LRRC4C: variants seen among roughly 807,000 people sequenced by gnomAD.
LRRC4C encodes the protein leucine-rich repeat-containing protein 4C.
LRRC4C carries 5 observed loss-of-function variants against 33.6 expected under a neutral mutation model. That is an observed-to-expected ratio of 0.15 (90% CI 0.08 to 0.31). LRRC4C has a LOEUF of 0.31. Ranked by LOEUF, LRRC4C falls within the 10% of genes least tolerant of loss-of-function variation. The pLI is 1.00. For synonymous variants in LRRC4C, 329 were observed against 302.0 expected, an observed-to-expected ratio of 1.09 and a Z score of -0.93; for missense variants, 560 against 796.7, an observed-to-expected ratio of 0.70 and a Z score of 3.58.
At chr11:41,178,397 C>A (rs1945297088) in intron 1 of LRRC4C, among the ~76,000 whole-genome samples, 1 of 151,996 alleles carries the variant, frequency 6.6e-6, no homozygotes, top group Admixed American at 6.6e-5. Context: ...TCTTTGACAC[C>A]CAGGATGGCG....
At chr11:40,169,705 C>T (rs1487704467) in intron 5 of LRRC4C, among the ~76,000 whole-genome samples, 1 of 152,104 alleles carries the variant, frequency 6.6e-6, no homozygotes, top group Admixed American at 6.6e-5. Flanking sequence ...AAGCTATGAT[C>T]TATTCTAGAT....
intron 3 of LRRC4C, among the ~76,000 whole-genome samples, chr11:40,556,885 G>C (rs1046093418): frequency 6.6e-6 from 1 of 152,124 alleles, no homozygotes; most frequent in African/African-American, 2.4e-5. Context: ...AAAAGTTGGA[G>C]CTTCAGAGTC....
At chr11:40,577,738 C>G (rs1014778025) in intron 3 of LRRC4C, among the ~76,000 whole-genome samples, 1 of 151,694 alleles carries the variant, frequency 6.6e-6, no homozygotes, top group African/African-American at 2.4e-5. Flanking sequence ...TGACCTGGCT[C>G]AAAATGCCCG....
chr11:40,264,589 T>A (rs1942109284), intron 4 of LRRC4C, among the ~76,000 whole-genome samples: 1 of 152,222 alleles, frequency 6.6e-6, no homozygotes, highest in Admixed American at 6.5e-5. Flanking sequence ...TCTGTGCCGA[T>A]GAATATAACT....
intron 1 of LRRC4C, among the ~76,000 whole-genome samples, chr11:41,139,140 T>G (rs2135894632): frequency 6.6e-6 from 1 of 152,304 alleles, no homozygotes; most frequent in Non-Finnish European, 1.5e-5. Flanking sequence ...GTTGAATACT[T>G]AATATAGTAT....
At chr11:40,589,546 T>C (rs544346158) in intron 3 of LRRC4C, among the ~76,000 whole-genome samples, 19,574 of 150,294 alleles carry the variant, frequency 0.13, 1,314 homozygotes, top group Middle Eastern at 0.2. Context: ...ATTTTGCTCG[T>C]TAGTTGATGC....
intron 2 of LRRC4C, among the ~76,000 whole-genome samples, chr11:40,827,497 C>A (rs756215246): frequency 6.6e-6 from 1 of 151,898 alleles, no homozygotes; most frequent in Non-Finnish European, 1.5e-5. Context: ...TTGCTATCTT[C>A]TTTCTAGATA....
intron 3 of LRRC4C, among the ~76,000 whole-genome samples, chr11:40,419,139 AAAAG>A (rs535929688): frequency 6.6e-6 from 1 of 152,148 alleles, no homozygotes; most frequent in Non-Finnish European, 1.5e-5. Context: ...AAATAAAAAG[AAAAG>A]AAAGAAAGAA....
chr11:40,809,971 ACT>A (rs1407206088), intron 2 of LRRC4C, among the ~76,000 whole-genome samples: 1 of 152,040 alleles, frequency 6.6e-6, no homozygotes, highest in Non-Finnish European at 1.5e-5. Flanking sequence ...GGCATAAATT[ACT>A]CTTTCTTTAC....
chr11:41,119,137 C>T (rs1392562048), intron 1 of LRRC4C, among the ~76,000 whole-genome samples: 2 of 152,050 alleles, frequency 1.3e-5, no homozygotes, highest in Non-Finnish European at 2.9e-5. Context: ...TTTTCATTGC[C>T]GTTTGCTGAC....
chr11:40,382,489 T>A (rs1948921459), intron 3 of LRRC4C, among the ~76,000 whole-genome samples: 1 of 151,776 alleles, frequency 6.6e-6, no homozygotes, highest in South Asian at 2.1e-4. Context: ...ATAAACTTAT[T>A]CATCATCACC....
intron 2 of LRRC4C, among the ~76,000 whole-genome samples, chr11:40,735,973 G>A (rs923275699): frequency 1.1e-4 from 17 of 151,364 alleles, no homozygotes; most frequent in South Asian, 2.1e-4. Flanking sequence ...AGAAGTGTCC[G>A]TTCATGTCCT....
rs547167050 is a variant in LRRC4C at position 41,214,575 on chromosome 11, C to CAAAAAAAAAAA, written c.-496+244845_-496+244855dup. ...TGAAACCCCGTCTCTACTAAAAATACAAAAAAAAAAAAAAAAAAAAAAAAA... is the reference window on the plus strand; with the variant it reads ...TGAAACCCCGTCTCTACTAAAAATACAAAAAAAAAAAAAAAAAAAAAAAAAAAAAAAAAAAA... On this transcript the variant is annotated intron_variant, in intron 1 of 6. Transcript: ENST00000528697. Among the ~76,000 whole-genome samples, 122 of 34,726 alleles carry CAAAAAAAAAAA rather than the reference C, an allele frequency of 3.5e-3. 8 individuals carry two copies. The highest frequency in any genetic ancestry group is 0.011 in the African/African-American group (91 of 8,406). 22.8% of individuals were successfully genotyped at this position (34,726 alleles called of 152,430 possible). A position where few individuals can be genotyped will look rare whatever the true frequency, so the allele number is the denominator to read the frequency against.
At position 41,304,206 on chromosome 11, in the gene LRRC4C, G is replaced by A. The variant is rs376811841; in HGVS notation, c.-496+155225C>T. 8.7e-4 allele frequency among the ~76,000 whole-genome samples: 96 copies of A among 110,974 alleles called. No homozygotes were observed. The East Asian group carries it at 0.018, about 21-fold the overall frequency. 72.8% of individuals were successfully genotyped at this position (110,974 alleles called of 152,430 possible). On this transcript the variant is annotated intron_variant, in intron 1 of 6. Coordinates refer to ENST00000528697, the MANE Select transcript of LRRC4C (RefSeq NM_001258419.2). ...AGCCCCCCGCCTGGCCAGCCGCCCCGTCCGGGAGGGAGGTGGGGGGGTCAG... is the reference window on the plus strand; with the variant it reads ...AGCCCCCCGCCTGGCCAGCCGCCCCATCCGGGAGGGAGGTGGGGGGGTCAG...
chr11:40,760,412 C>CA (rs35336371), intron 2 of LRRC4C, among the ~76,000 whole-genome samples: 76,445 of 136,048 alleles, frequency 0.56, 20,805 homozygotes, highest in Non-Finnish European at 0.63. Context: ...GGTCCTTTAC[C>CA]AAAAAAAAAA....
chr11:41,254,436 G>T (rs1441992657), intron 1 of LRRC4C, among the ~76,000 whole-genome samples: 1 of 151,974 alleles, frequency 6.6e-6, no homozygotes, highest in African/African-American at 2.4e-5. Flanking sequence ...TAAAGTCTGA[G>T]TAATCATAAA....
intron 2 of LRRC4C, among the ~76,000 whole-genome samples, chr11:40,754,556 C>T (rs1168046867): frequency 6.6e-6 from 1 of 152,010 alleles, no homozygotes; most frequent in African/African-American, 2.4e-5. Flanking sequence ...CAGGTAGCTT[C>T]CATAAAGCCT....
intron 1 of LRRC4C, among the ~76,000 whole-genome samples, chr11:41,436,136 G>A (rs980546214): frequency 1.3e-5 from 2 of 152,220 alleles, no homozygotes; most frequent in African/African-American, 4.8e-5. Flanking sequence ...CCCAGGAGGT[G>A]GAGGTTGCAG....
At chr11:41,389,105 T>A (rs529927643) in intron 1 of LRRC4C, among the ~76,000 whole-genome samples, 3 of 151,950 alleles carry the variant, frequency 2.0e-5, no homozygotes, top group African/African-American at 4.8e-5. Context: ...TGAGATGAGA[T>A]AATTGAATTC....
Sources: gnomAD v4.1 joint callset for allele counts (sites outside exome capture counted in the v4.1 genomes callset) on GRCh38, gnomAD v4.1.1 for gene constraint, MANE v1.5 for transcripts, NCBI Gene and HGNC (gene_info 2026-07-23, HGNC 2026-07-21) for gene names.